ITGA7: variants seen among roughly 807,000 people sequenced by gnomAD.
The protein encoded by ITGA7 is integrin subunit alpha 7, also known as integrin alpha-7.
A neutral mutation model predicts 131.6 loss-of-function variants in ITGA7; 84 were observed. That is an observed-to-expected ratio of 0.64 (90% CI 0.54 to 0.77). The LOEUF (loss-of-function observed/expected upper bound fraction) is 0.77. Ranked by LOEUF, ITGA7 falls within the 30% of genes least tolerant of loss-of-function variation. The probability of loss-of-function intolerance (pLI) is 0.00; values close to 1 mark genes in which losing one functional copy is unlikely to be tolerated. For missense variants in ITGA7, 1,399 were observed against 1,482.9 expected (o/e 0.94, Z 0.93); for synonymous variants, 548 against 600.7 (o/e 0.91, Z 1.28).
intron 24 of ITGA7, among the ~76,000 whole-genome samples, chr12:55,686,485 C>T (rs1870176740): frequency 1.3e-5 from 2 of 152,216 alleles, no homozygotes; most frequent in Admixed American, 6.5e-5. Flanking sequence ...AGGTTCCCAA[C>T]AGCTTGGATG....
In ITGA7 at chr12:55,685,037, G is replaced by A. The variant is rs757139232; in HGVS notation, c.*21C>T. ...GGGAAGGGATGGAGGGCAGCCACAGGCCAGGCTGGGACATGGGAACCTAGG... is the reference window on the plus strand; with the variant it reads ...GGGAAGGGATGGAGGGCAGCCACAGACCAGGCTGGGACATGGGAACCTAGG... On this transcript the variant is annotated 3_prime_UTR_variant, in exon 25 of 25. Coordinates refer to ENST00000257879, the MANE Select transcript of ITGA7 (RefSeq NM_002206.3). The A allele has an allele frequency of 9.7e-6, 15 of 1,550,678 alleles. No homozygotes were observed. The Admixed American group carries it at 2.3e-4, about 24-fold the overall frequency.
At chr12:55,704,598 C>T (rs1257634239) in intron 1 of ITGA7, among the ~76,000 whole-genome samples, 1 of 152,176 alleles carries the variant, frequency 6.6e-6, no homozygotes, top group Non-Finnish European at 1.5e-5. Flanking sequence ...GTGCCAAGCA[C>T]CAGGATAGGC....
chr12:55,716,061 G>A (rs762142887), upstream of ITGA7: 2 of 1,560,378 alleles, frequency 1.3e-6, no homozygotes, highest in South Asian at 1.2e-5. Flanking sequence ...CATGGCCCCG[G>A]GGAGCCGAGG....
chr12:55,709,181 T>C (rs1875798177), upstream of ITGA7, among the ~76,000 whole-genome samples: 1 of 152,192 alleles, frequency 6.6e-6, no homozygotes, highest in Non-Finnish European at 1.5e-5. Context: ...CTTGGAATCT[T>C]TCTCAGAGTA....
At chr12:55,705,291 T>C (rs1478967691) in intron 1 of ITGA7, among the ~76,000 whole-genome samples, 1 of 148,262 alleles carries the variant, frequency 6.7e-6, no homozygotes, top group Non-Finnish European at 1.5e-5. Flanking sequence ...CCACACACAC[T>C]CCTTCCTGGC....
intron 24 of ITGA7, 147 bp downstream of exon 24, chr12:55,687,824 A>C: frequency 9.3e-7 from 1 of 1,079,304 alleles, no homozygotes; most frequent in East Asian, 2.4e-5. Flanking sequence ...TCCAGGGACT[A>C]ATAGAGTTCC....
chr12:55,697,479 G>A lies in ITGA7; in HGVS notation c.1477C>T (p.Pro493Ser), dbSNP rs947331149. 2 of 1,614,154 alleles carry A rather than the reference G, an allele frequency of 1.2e-6. No homozygotes were observed. Among genetic ancestry groups the A allele is most frequent in the Admixed American group, 1.7e-5 (1 of 60,038 alleles). ...IAPRSIDLEQ[P>S]NCAGGHSVCV... ...ACCGAGTGGCCGCCAGCACAGTTGG[G>A]CTGCTCCAGGTCGATGCTTCGTGGA... is the stretch of plus-strand genomic sequence containing the variant. Residue 493 changes from proline (P) to serine (S), a missense_variant, in exon 10 of 25, where the codon CCC becomes TCC. Pro to Ser is a moderately conservative substitution (Grantham distance 74). Transcript: ENST00000257879.
chr12:55,710,614 C>CA (rs1048104695), upstream of ITGA7, among the ~76,000 whole-genome samples: 2 of 151,760 alleles, frequency 1.3e-5, no homozygotes, highest in African/African-American at 4.8e-5. Context: ...CCCATCTCTA[C>CA]AAAAAATAGA....
intron 12 of ITGA7, among the ~76,000 whole-genome samples, chr12:55,696,668 G>A (rs538777911): frequency 7.1e-4 from 108 of 152,288 alleles, no homozygotes; most frequent in African/African-American, 2.5e-3. Context: ...CCTCCATTCA[G>A]CTGGAAGAGG....
rs781431959 is a variant in ITGA7, at chr12:55,696,271, A to T, written c.1887+12T>A. ...GCTCCTCCCCCTGGGCTAAACCAGA[A>T]CCCATGCTCACCTCTGCCCGCTGGG... On this transcript the variant is annotated intron_variant, in intron 13 of 24. Coordinates refer to ENST00000257879, the MANE Select transcript of ITGA7 (RefSeq NM_002206.3). 12 of 1,561,276 alleles carry T rather than the reference A, an allele frequency of 7.7e-6. No homozygotes were observed. The African/African-American group carries it at 1.5e-4, about 19-fold the overall frequency.
At position 55,693,228 on chromosome 12, in the gene ITGA7, C is replaced by G; in HGVS notation, c.2625G>C (p.Leu875Phe). 6.2e-7 allele frequency: 1 copy of G among 1,614,126 alleles called. No homozygotes were observed. The highest frequency in any genetic ancestry group is 2.2e-5 in the East Asian group (1 of 44,886). The change falls in exon 20 of 25, where the codon TTG (leucine) becomes TTC (phenylalanine). Residue 875 changes from leucine to phenylalanine, a missense_variant. Transcript: ENST00000257879. ...CCAGCTCAACCTGCATTGGGTACAG[C>G]AACCACTTCCCATTGGCAATCTCAT... ...WPHEIANGKW[L>F]LYPMQVELEG...
At chr12:55,712,105 T>C (rs1236965743), upstream of ITGA7, 1 of 1,551,524 alleles carries the variant, frequency 6.4e-7, no homozygotes, top group Non-Finnish European at 8.7e-7. Context: ...TGAATTCTGG[T>C]TGTAGTCAAA....
intron 24 of ITGA7, chr12:55,686,354 G>A: frequency 8.3e-7 from 1 of 1,206,688 alleles, no homozygotes; most frequent in Non-Finnish European, 1.1e-6. Flanking sequence ...GGAAGCAGAG[G>A]ATGGAAAGAT....
In ITGA7 at chr12:55,688,976, A is replaced by G; in HGVS notation, c.2845-19T>C. The G allele has an allele frequency of 6.2e-7, 1 of 1,600,386 alleles. No individual in the cohort carries two copies. Among genetic ancestry groups the G allele is most frequent in the African/African-American group, 1.3e-5 (1 of 74,762 alleles). On this transcript the variant is annotated intron_variant, in intron 21 of 24. Coordinates refer to ENST00000257879, the MANE Select transcript of ITGA7 (RefSeq NM_002206.3). ...CGCAGTCCTAGGGATAAGGACAGACAGGGGTCTAAGCCACTCAGCTCAACC... is the reference window on the plus strand; with the variant it reads ...CGCAGTCCTAGGGATAAGGACAGACGGGGGTCTAAGCCACTCAGCTCAACC...
intron 4 of ITGA7, 160 bp from the exon 5 acceptor site, chr12:55,700,149 G>C (rs1462867834): frequency 7.1e-7 from 1 of 1,416,954 alleles, no homozygotes; most frequent in African/African-American, 1.4e-5. Flanking sequence ...GAAAGACAGA[G>C]AGAGACAAGG....
chr12:55,712,795 A>G (rs76258267), upstream of ITGA7, among the ~76,000 whole-genome samples: 1,286 of 152,298 alleles, frequency 8.4e-3, 15 homozygotes, highest in African/African-American at 0.029. Context: ...GAGAGATCAG[A>G]TGGGGACACT....
chr12:55,687,523 G>A (rs1395154142), intron 24 of ITGA7, among the ~76,000 whole-genome samples: 10 of 111,768 alleles, frequency 8.9e-5, no homozygotes, highest in African/African-American at 1.8e-4. Flanking sequence ...ATGGAGTCTC[G>A]CTCTGTCACC....
At position 55,707,759 on chromosome 12, in the gene ITGA7, C is replaced by T. The variant is rs982609942; in HGVS notation, c.-77G>A. The T allele has an allele frequency of 7.1e-6, 11 of 1,545,848 alleles. No homozygotes were observed. Among genetic ancestry groups the T allele is most frequent in the Non-Finnish European group, 8.7e-6 (10 of 1,144,768 alleles). Reference sequence around the variant, plus strand: ...CCCAAGCCCCAGGTCCCCCCAGGCGCGTCTCTGGTCTCCAAAGTCTCGTTG... The same window carrying T: ...CCCAAGCCCCAGGTCCCCCCAGGCGTGTCTCTGGTCTCCAAAGTCTCGTTG... On this transcript the variant is annotated 5_prime_UTR_variant, in exon 1 of 25. Coordinates refer to ENST00000257879, the MANE Select transcript of ITGA7 (RefSeq NM_002206.3).
chr12:55,686,457 T>C (rs534335735), intron 24 of ITGA7: 2 of 409,142 alleles, frequency 4.9e-6, no homozygotes, highest in East Asian at 1.5e-4. Context: ...GAGGCATCAA[T>C]CTCCCCTAAG....
Sources: gnomAD v4.1 joint callset for allele counts (sites outside exome capture counted in the v4.1 genomes callset) on GRCh38, gnomAD v4.1.1 for gene constraint, MANE v1.5 for transcripts, NCBI Gene and HGNC (gene_info 2026-07-23, HGNC 2026-07-21) for gene names.